Variants in GNB4 observed in about 807,000 individuals in gnomAD.
GNB4 encodes the protein G protein subunit beta 4, also known as guanine nucleotide-binding protein subunit beta-4.
A neutral mutation model predicts 45.2 loss-of-function variants in GNB4; 28 were observed. That is an observed-to-expected ratio of 0.62 (90% CI 0.46 to 0.85). The LOEUF (loss-of-function observed/expected upper bound fraction) is 0.85, where lower values mean the gene tolerates loss of function less well. Among genes scored for constraint, GNB4 ranks in the 40% least tolerant of loss-of-function variants. GNB4 has a pLI of 0.00. For missense variants in GNB4, 321 were observed against 425.4 expected (o/e 0.75, Z 2.16); for synonymous variants, 132 against 143.7 (o/e 0.92, Z 0.58).
At chr3:179,509,397 G>C in the GNB4 span, among the ~76,000 whole-genome samples, 1 of 152,240 alleles carries the variant, frequency 6.6e-6, no homozygotes, top group Admixed American at 6.5e-5. Flanking sequence ...ATTCACACTG[G>C]CATTCTCTGT....
the GNB4 span, among the ~76,000 whole-genome samples, chr3:179,499,043 C>T: frequency 3.5e-4 from 53 of 151,962 alleles, no homozygotes; most frequent in South Asian, 0.011. Context: ...TGTTAGTTTG[C>T]TGAGAATGAT....
chr3:179,500,034 T>C, the GNB4 span, among the ~76,000 whole-genome samples: 10 of 152,330 alleles, frequency 6.6e-5, no homozygotes, highest in African/African-American at 2.4e-4. Context: ...CTGTATGTTT[T>C]CTGTTCACTC....
At chr3:179,402,862 C>T (rs1228830049) in intron 9 of GNB4, among the ~76,000 whole-genome samples, 1 of 152,194 alleles carries the variant, frequency 6.6e-6, no homozygotes, top group Admixed American at 6.5e-5. Context: ...CTCCACTCTG[C>T]AGTCAGGTGA....
chr3:179,462,428 A>T, the GNB4 span, among the ~76,000 whole-genome samples: 7 of 152,348 alleles, frequency 4.6e-5, no homozygotes, highest in East Asian at 9.6e-4. Flanking sequence ...TACTTGAAAG[A>T]ACATGAGCTA....
At chr3:179,494,774 G>T in the GNB4 span, among the ~76,000 whole-genome samples, 1 of 151,868 alleles carries the variant, frequency 6.6e-6, no homozygotes, top group Non-Finnish European at 1.5e-5. Context: ...TGGGCGTGGT[G>T]GTGGGTGCCT....
intron 1 of GNB4, among the ~76,000 whole-genome samples, chr3:179,438,903 T>C (rs1262162240): frequency 6.6e-6 from 1 of 152,194 alleles, no homozygotes; most frequent in Non-Finnish European, 1.5e-5. Flanking sequence ...TAGCAGCACC[T>C]GACTCTGTGG....
the GNB4 span, among the ~76,000 whole-genome samples, chr3:179,503,495 A>T: frequency 6.6e-6 from 1 of 152,266 alleles, no homozygotes. Flanking sequence ...CCATTAAAGT[A>T]TGCTGGTCTT....
At chr3:179,474,394 T>A in the GNB4 span, among the ~76,000 whole-genome samples, 1 of 152,090 alleles carries the variant, frequency 6.6e-6, no homozygotes, top group African/African-American at 2.4e-5. Context: ...TGGCTAATTA[T>A]TGTATTTTTA....
chr3:179,413,884 A>G (rs1416018724), intron 6 of GNB4, 103 bp from the exon 7 acceptor site: 2 of 846,540 alleles, frequency 2.4e-6, no homozygotes, highest in East Asian at 5.3e-5. Flanking sequence ...TACTTGGGCA[A>G]CAAGTGTTTG....
intron 1 of GNB4, among the ~76,000 whole-genome samples, chr3:179,432,058 G>C (rs1715325163): frequency 6.6e-6 from 1 of 152,108 alleles, no homozygotes; most frequent in Non-Finnish European, 1.5e-5. Context: ...CTTTTAAAGA[G>C]AACTGCCTAC....
chr3:179,507,963 C>CA, the GNB4 span, among the ~76,000 whole-genome samples: 4 of 152,100 alleles, frequency 2.6e-5, no homozygotes, highest in African/African-American at 9.7e-5. Flanking sequence ...GAGGACTAAA[C>CA]AAAATGGAGA....
Position 179,405,251 on chromosome 3 carries a change from C to A in GNB4, c.855G>T (p.Leu285Phe). ...SVAFSKSGRL[L>F]LAGYDDFNCN... ...AATTAAAGTCATCGTAACCAGCCAA[C>A]AAGAGACGCCCACTTTTTGAGAAGG... is the stretch of plus-strand genomic sequence containing the variant. Residue 285 changes from leucine (L) to phenylalanine (F), a missense_variant, in exon 9 of 10, where the codon TTG (leucine) becomes TTT (phenylalanine). Physicochemically the swap from Leu to Phe is conservative, Grantham distance 22. Transcript: ENST00000232564. 1.2e-6 allele frequency: 2 copies of A among 1,614,186 alleles called. No homozygotes were observed. The highest frequency in any genetic ancestry group is 1.7e-6 in the Non-Finnish European group (2 of 1,180,036).
At chr3:179,459,319 G>A in the GNB4 span, among the ~76,000 whole-genome samples, 162 of 152,290 alleles carry the variant, frequency 1.1e-3, no homozygotes, top group African/African-American at 3.2e-3. Flanking sequence ...CTGGTAAATG[G>A]TGGCACAGAC....
chr3:179,523,629 T>C, the GNB4 span, among the ~76,000 whole-genome samples: 1 of 152,056 alleles, frequency 6.6e-6, no homozygotes, highest in South Asian at 2.1e-4. Context: ...AACAGGTGAG[T>C]GATAATGAGT....
At chr3:179,461,490 C>A in the GNB4 span, among the ~76,000 whole-genome samples, 1 of 85,456 alleles carries the variant, frequency 1.2e-5, no homozygotes, top group African/African-American at 5.5e-5. Flanking sequence ...GAGCGAGACT[C>A]CGTCTCAAAA....
At chr3:179,406,851 GTGA>G (rs1714486001) in intron 8 of GNB4, among the ~76,000 whole-genome samples, 1 of 152,108 alleles carries the variant, frequency 6.6e-6, no homozygotes, top group Non-Finnish European at 1.5e-5. Flanking sequence ...CTGGCCTCAA[GTGA>G]TCTGCCTGCC....
chr3:179,468,283 G>A, the GNB4 span, among the ~76,000 whole-genome samples: 2 of 151,482 alleles, frequency 1.3e-5, no homozygotes, highest in East Asian at 3.9e-4. Context: ...ATCACCTGAG[G>A]TCAGGAGTTC....
the GNB4 span, chr3:179,464,380 C>A: frequency 9.6e-7 from 1 of 1,045,838 alleles, no homozygotes; most frequent in Non-Finnish European, 1.5e-6. Flanking sequence ...AGGTTGGCTG[C>A]CTGGCTGCTG....
chr3:179,419,133 A>G (rs1253982157), intron 4 of GNB4, among the ~76,000 whole-genome samples: 1 of 152,242 alleles, frequency 6.6e-6, no homozygotes, highest in Non-Finnish European at 1.5e-5. Context: ...TGCCTATTTA[A>G]AAAACAAAGA....
Sources: allele counts gnomAD v4.1 joint callset (sites outside exome capture counted in the v4.1 genomes callset), GRCh38; gene constraint gnomAD v4.1.1; transcripts MANE v1.5; gene names NCBI Gene and HGNC (gene_info 2026-07-23, HGNC 2026-07-21).